The following PPP5C variants were observed in gnomAD, a reference collection of about 807,000 sequenced individuals.
The protein encoded by PPP5C is serine/threonine-protein phosphatase 5.
Under a neutral mutation model 66.7 loss-of-function variants are expected in PPP5C, and 21 were observed. The ratio of observed to expected loss-of-function variants is 0.31; its 90% confidence interval spans 0.22 to 0.45. The LOEUF is 0.45. Ranked by LOEUF, PPP5C falls within the 20% of genes least tolerant of loss-of-function variation. PPP5C has a pLI of 1.00. For synonymous variants in PPP5C, 246 were observed against 257.4 expected (o/e 0.96, Z 0.43); for missense variants, 464 against 675.9 (o/e 0.69, Z 3.48).
intron 1 of PPP5C, among the ~76,000 whole-genome samples, chr19:46,349,513 G>T (rs1375163746): frequency 2.6e-5 from 4 of 152,224 alleles, no homozygotes; most frequent in African/African-American, 7.2e-5. Flanking sequence ...GCTCGATCCG[G>T]TGGGAGCCGT....
chr19:46,366,504 C>T (rs1348806769), intron 2 of PPP5C, among the ~76,000 whole-genome samples: 1 of 152,046 alleles, frequency 6.6e-6, no homozygotes, highest in African/African-American at 2.4e-5. Context: ...TGCCACCGTG[C>T]CTGGCTAATT....
chr19:46,351,674 C>G (rs577329034), intron 1 of PPP5C, among the ~76,000 whole-genome samples: 1 of 152,230 alleles, frequency 6.6e-6, no homozygotes, highest in African/African-American at 2.4e-5. Flanking sequence ...AAGGAGTCCT[C>G]AAAGGCGCTG....
At chr19:46,362,304 A>G (rs1169749247) in intron 2 of PPP5C, among the ~76,000 whole-genome samples, 2 of 152,202 alleles carry the variant, frequency 1.3e-5, no homozygotes, top group Non-Finnish European at 2.9e-5. Flanking sequence ...CTAATGGAAC[A>G]ATTTTTCAAT....
In PPP5C at chr19:46,382,928, G is replaced by T. The variant is rs561031806; in HGVS notation, c.634-483G>T. 400 of 1,093,570 alleles carry T rather than the reference G, an allele frequency of 3.7e-4. No homozygotes were observed. The Middle Eastern group carries it at 0.012, about 32-fold the overall frequency. 67.7% of individuals were successfully genotyped at this position (1,093,570 alleles called of 1,614,324 possible). A position where few individuals can be genotyped will look rare whatever the true frequency, so the allele number is the denominator to read the frequency against. ...TCTATTAGTATTTTAATTCTCCCCA[G>T]CTCTCCCCAAAACATCCTTTTTAGC... is the stretch of plus-strand genomic sequence containing the variant. On this transcript the variant is annotated intron_variant, in intron 4 of 12. Coordinates refer to ENST00000012443, the MANE Select transcript of PPP5C (RefSeq NM_006247.4).
intron 2 of PPP5C, among the ~76,000 whole-genome samples, chr19:46,366,651 GAAAA>G (rs1972496273): frequency 6.6e-6 from 1 of 151,928 alleles, no homozygotes; most frequent in Non-Finnish European, 1.5e-5. Context: ...AGCTTTTAAA[GAAAA>G]AAAGGACAAA....
rs1051861104 is a variant in PPP5C, at chr19:46,388,867, A to ATGTG, written c.1355+138_1355+141dup. The ATGTG allele has an allele frequency of 1.8e-6, 2 of 1,088,732 alleles. No homozygotes were observed. The highest frequency in any genetic ancestry group is 3.1e-5 in the African/African-American group (2 of 63,782). 67.4% of individuals were successfully genotyped at this position (1,088,732 alleles called of 1,614,324 possible). On this transcript the variant is annotated intron_variant, in intron 11 of 12. Coordinates refer to ENST00000012443, the MANE Select transcript of PPP5C (RefSeq NM_006247.4). This position sits in a 1 kb window ranked among gnomAD's most constrained non-coding sequence, Gnocchi z 4.9. ...AAAAGAACATGACGAACACCCCCGT[A>ATGTG]TGTGTCACCCACCCATGCAGCACCA...
intron 12 of PPP5C, 69 bp downstream of exon 12, chr19:46,390,201 A>T (rs1972990946): frequency 6.2e-7 from 1 of 1,608,322 alleles, no homozygotes; most frequent in African/African-American, 1.3e-5. Flanking sequence ...AGACCCTGGT[A>T]AGGGGCAGGG....
chr19:46,384,358 G>T, intron 6 of PPP5C: 1 of 249,398 alleles, frequency 4.0e-6, no homozygotes, highest in Non-Finnish European at 7.9e-6. Flanking sequence ...GCCCACACCT[G>T]ATGCTATCTA....
chr19:46,390,284 C>T lies in PPP5C; in HGVS notation c.1438C>T (p.Pro480Ser). ...RPQFHQFTAV[P>S]HPNVKPMAYA... ...CATCCCACCTGCCCTGGTCCCACAG[C>T]CTCATCCCAACGTCAAGCCCATGGC... is the stretch of plus-strand genomic sequence containing the variant. The change falls in exon 13 of 13, where the codon CCT (proline) becomes TCT (serine). Residue 480 changes from proline to serine, a missense_variant and splice_region_variant. Pro to Ser is a moderately conservative substitution (Grantham distance 74). Coordinates refer to ENST00000012443, the MANE Select transcript of PPP5C (RefSeq NM_006247.4). 1 of 1,593,208 alleles carries T rather than the reference C, an allele frequency of 6.3e-7. No homozygotes were observed. The highest frequency in any genetic ancestry group is 8.5e-7 in the Non-Finnish European group (1 of 1,169,758).
Position 46,383,980 on chromosome 19 carries a change from C to T in PPP5C, c.798+102C>T, listed in dbSNP as rs554836814. 6.8e-6 allele frequency: 7 copies of T among 1,024,356 alleles called. No homozygotes were observed. The South Asian group carries it at 9.8e-5, about 14-fold the overall frequency. The allele number at this position is 1,024,356 out of a possible 1,614,324, so 63.5% of individuals were successfully genotyped here. Reference sequence around the variant, plus strand: ...AGCCCTTGCCAGGAAAAGACGTGACCTTGGAAAGGAGAGGCCTGGCCATGC... The same window carrying T: ...AGCCCTTGCCAGGAAAAGACGTGACTTTGGAAAGGAGAGGCCTGGCCATGC... On this transcript the variant is annotated intron_variant, in intron 6 of 12. Coordinates refer to ENST00000012443, the MANE Select transcript of PPP5C (RefSeq NM_006247.4). This position sits in a 1 kb window ranked among gnomAD's most constrained non-coding sequence, Gnocchi z 5.0.
At chr19:46,347,366 C>G in intron 1 of PPP5C, 149 bp downstream of exon 1, 3 of 1,265,294 alleles carry the variant, frequency 2.4e-6, no homozygotes, top group Non-Finnish European at 3.2e-6. Context: ...ATGGCGCTGC[C>G]AAGGAGCGAC....
intron 7 of PPP5C, among the ~76,000 whole-genome samples, chr19:46,386,539 C>T (rs898100393): frequency 1.2e-4 from 14 of 119,238 alleles, no homozygotes; most frequent in Admixed American, 2.9e-4. Flanking sequence ...AGAAGGAGGC[C>T]GGGTGCTTGT....
intron 1 of PPP5C, among the ~76,000 whole-genome samples, chr19:46,349,609 T>A (rs1601407678): frequency 6.6e-6 from 1 of 151,572 alleles, no homozygotes; most frequent in East Asian, 1.9e-4. Flanking sequence ...ATCCTGGGGG[T>A]GGTCGATGCC....
Position 46,389,362 on chromosome 19 carries a change from AACAC to A in PPP5C, c.1356-593_1356-590del, listed in dbSNP as rs57181889. On this transcript the variant is annotated intron_variant, in intron 11 of 12. Transcript: ENST00000012443. The stretch of plus-strand genomic sequence containing the variant: ...GGGCAAGAGTAAGACTCCATCTCAA[AACAC>A]ACACACACACACACACACACACACA... Among the ~76,000 whole-genome samples, 8 of 98,036 alleles carry A rather than the reference AACAC, an allele frequency of 8.2e-5. No homozygotes were observed. The East Asian group carries it at 1.0e-3, about 13-fold the overall frequency. The allele number at this position is 98,036 out of a possible 152,430, so 64.3% of individuals were successfully genotyped here.
rs1165480304 is a variant in PPP5C at position 46,388,252 on chromosome 19, G to C, written c.1136-156G>C. The C allele has an allele frequency of 7.9e-6, 6 of 757,616 alleles. No homozygotes were observed. The highest frequency in any genetic ancestry group is 1.3e-5 in the Non-Finnish European group (6 of 476,868). The allele number at this position is 757,616 out of a possible 1,614,324, so 46.9% of individuals were successfully genotyped here. A position where few individuals can be genotyped will look rare whatever the true frequency, so the allele number is the denominator to read the frequency against. ...GGGTGGCTCAGAATCACAGTCACCT[G>C]TCCTGAATGTCCATGTCCATGCTGG... On this transcript the variant is annotated intron_variant, in intron 9 of 12. Transcript: ENST00000012443. The surrounding 1 kb of genome is among the most constrained non-coding windows in gnomAD (Gnocchi z 4.9).
chr19:46,361,183 G>A (rs1452411877), intron 2 of PPP5C, among the ~76,000 whole-genome samples: 2 of 145,152 alleles, frequency 1.4e-5, no homozygotes, highest in Non-Finnish European at 1.5e-5. Context: ...AGGCTGGAGT[G>A]CAGTGGTGCA....
In PPP5C at chr19:46,376,228, C is replaced by T. The variant is rs947535497; in HGVS notation, c.512-225C>T. On this transcript the variant is annotated intron_variant, in intron 3 of 12. Transcript: ENST00000012443. The surrounding 1 kb of genome is among the most constrained non-coding windows in gnomAD (Gnocchi z 5.1). Reference sequence around the variant, plus strand: ...GTCATGAAATGAATAGTGCTAAGTGCCATAAAACTGAATAGAGTAAAGGGG... The same window carrying T: ...GTCATGAAATGAATAGTGCTAAGTGTCATAAAACTGAATAGAGTAAAGGGG... Among the ~76,000 whole-genome samples, 1 of 152,002 alleles carries T rather than the reference C, an allele frequency of 6.6e-6. No individual in the cohort carries two copies. Among genetic ancestry groups the T allele is most frequent in the African/African-American group, 2.4e-5 (1 of 41,382 alleles).
chr19:46,383,907 C>T lies in PPP5C; in HGVS notation c.798+29C>T. The T allele has an allele frequency of 6.5e-7, 1 of 1,529,346 alleles. No homozygotes were observed. Among genetic ancestry groups the T allele is most frequent in the Non-Finnish European group, 9.1e-7 (1 of 1,103,230 alleles). The allele number at this position is 1,529,346 out of a possible 1,614,324, so 94.7% of individuals were successfully genotyped here. On this transcript the variant is annotated intron_variant, in intron 6 of 12. Coordinates refer to ENST00000012443, the MANE Select transcript of PPP5C (RefSeq NM_006247.4). The surrounding 1 kb of genome is among the most constrained non-coding windows in gnomAD (Gnocchi z 5.0). ...TCCTTCTCAGCAGAGCCACCCTCTCCCCACCTCCACCCCCAGCCGCAGCCT... is the reference window on the plus strand; with the variant it reads ...TCCTTCTCAGCAGAGCCACCCTCTCTCCACCTCCACCCCCAGCCGCAGCCT...
intron 1 of PPP5C, among the ~76,000 whole-genome samples, chr19:46,347,667 TG>T (rs1427247406): frequency 5.1e-5 from 5 of 97,684 alleles, no homozygotes; most frequent in East Asian, 3.0e-4. Context: ...GATCATTAGA[TG>T]GGGGGAACAA....
Sources: allele counts gnomAD v4.1 joint callset (sites outside exome capture counted in the v4.1 genomes callset), GRCh38; gene constraint gnomAD v4.1.1; non-coding constraint Gnocchi (gnomAD v3.1); transcripts MANE v1.5; gene names NCBI Gene and HGNC (gene_info 2026-07-23, HGNC 2026-07-21).